ZNF827: variants seen among roughly 807,000 people sequenced by gnomAD.
ZNF827 encodes zinc finger protein 827.
A neutral mutation model predicts 102.4 loss-of-function variants in ZNF827; 13 were observed. The observed-to-expected ratio is 0.13, with a 90% CI of 0.08 to 0.20. The LOEUF (loss-of-function observed/expected upper bound fraction) is 0.20, where lower values mean the gene tolerates loss of function less well. Among genes scored for constraint, ZNF827 ranks in the 10% least tolerant of loss-of-function variants. ZNF827 has a pLI of 1.00. For missense variants in ZNF827, 1,103 were observed against 1,344.4 expected, an observed-to-expected ratio of 0.82 and a Z score of 2.81; for synonymous variants, 523 against 536.2, an observed-to-expected ratio of 0.98 and a Z score of 0.34.
At chr4:145,936,773 A>C (rs999109569) in intron 1 of ZNF827, among the ~76,000 whole-genome samples, 1 of 151,306 alleles carries the variant, frequency 6.6e-6, no homozygotes, top group Non-Finnish European at 1.5e-5. Flanking sequence ...CCCTTCCCCC[A>C]CCCTCCGTGA....
At chr4:145,879,365 AAAT>A (rs1337715447) in intron 4 of ZNF827, among the ~76,000 whole-genome samples, 2 of 152,260 alleles carry the variant, frequency 1.3e-5, no homozygotes, top group African/African-American at 4.8e-5. Context: ...ATAGCTCTTA[AAAT>A]AATAATAGTA....
At chr4:145,817,275 T>C (rs1372610191) in intron 8 of ZNF827, among the ~76,000 whole-genome samples, 2 of 152,208 alleles carry the variant, frequency 1.3e-5, no homozygotes, top group Non-Finnish European at 2.9e-5. Context: ...GTAAAGCCCC[T>C]AGACTAGACT....
chr4:145,928,967 G>A (rs979358517), intron 1 of ZNF827, among the ~76,000 whole-genome samples: 2 of 152,236 alleles, frequency 1.3e-5, no homozygotes, highest in African/African-American at 4.8e-5. Context: ...GCCATGTGGG[G>A]AGGTGGGCCC....
At chr4:145,771,766 G>A (rs561614792) in intron 11 of ZNF827, among the ~76,000 whole-genome samples, 36 of 152,292 alleles carry the variant, frequency 2.4e-4, no homozygotes, top group East Asian at 1.2e-3. Context: ...AACAAAATGC[G>A]TGCTGTTGAT....
intron 7 of ZNF827, among the ~76,000 whole-genome samples, chr4:145,837,837 T>C (rs943882899): frequency 4.6e-5 from 7 of 152,084 alleles, no homozygotes; most frequent in African/African-American, 1.7e-4. Flanking sequence ...ATACGACAAA[T>C]GTTTCTTCTA....
intron 7 of ZNF827, among the ~76,000 whole-genome samples, chr4:145,834,103 T>A (rs1266126242): frequency 6.6e-6 from 1 of 152,188 alleles, no homozygotes; most frequent in African/African-American, 2.4e-5. Flanking sequence ...TGCCTTATTT[T>A]CTTCTGCAAT....
At chr4:145,858,129 G>C (rs1747340531) in intron 5 of ZNF827, among the ~76,000 whole-genome samples, 1 of 99,548 alleles carries the variant, frequency 1.0e-5, no homozygotes, top group Non-Finnish European at 1.9e-5. Flanking sequence ...GTGTGTGCAT[G>C]TGTGAGTGTG....
chr4:145,928,846 C>T (rs1179631242), intron 1 of ZNF827, among the ~76,000 whole-genome samples: 1 of 152,136 alleles, frequency 6.6e-6, no homozygotes, highest in African/African-American at 2.4e-5. Flanking sequence ...GGGAGGTGGG[C>T]AGGTGTATAT....
intron 13 of ZNF827, 46 bp downstream of exon 13, chr4:145,764,942 T>C: frequency 6.2e-7 from 1 of 1,607,190 alleles, no homozygotes; most frequent in Non-Finnish European, 8.5e-7. Flanking sequence ...GGGGAAAGGG[T>C]ATTTAATAAC....
intron 1 of ZNF827, among the ~76,000 whole-genome samples, chr4:145,905,501 T>C (rs532376570): frequency 2.0e-5 from 3 of 152,368 alleles, no homozygotes; most frequent in South Asian, 2.1e-4. Flanking sequence ...GAATTTTCTC[T>C]GTTAAAAACA....
At chr4:145,877,987 C>G (rs188196024) in intron 4 of ZNF827, among the ~76,000 whole-genome samples, 1 of 152,336 alleles carries the variant, frequency 6.6e-6, no homozygotes, top group Admixed American at 6.5e-5. Flanking sequence ...GAAAGAAAAC[C>G]TGAAGACTGG....
chr4:145,914,539 A>C (rs888047361), intron 1 of ZNF827, among the ~76,000 whole-genome samples: 20 of 152,194 alleles, frequency 1.3e-4, no homozygotes, highest in African/African-American at 4.1e-4. Context: ...GGCTGCTATC[A>C]AGTGGTCAAA....
At chr4:145,807,395 G>A (rs903297797) in intron 8 of ZNF827, among the ~76,000 whole-genome samples, 5 of 151,696 alleles carry the variant, frequency 3.3e-5, no homozygotes, top group Non-Finnish European at 5.9e-5. Context: ...GGTGGTGGTA[G>A]GGGGAAACAA....
intron 8 of ZNF827, among the ~76,000 whole-genome samples, chr4:145,801,489 A>G (rs1740895881): frequency 6.6e-6 from 1 of 152,186 alleles, no homozygotes; most frequent in Non-Finnish European, 1.5e-5. Context: ...AAGCAAATAA[A>G]ATCCTCAAAA....
chr4:145,937,222 G>A (rs894658203), intron 1 of ZNF827, among the ~76,000 whole-genome samples: 1 of 152,058 alleles, frequency 6.6e-6, no homozygotes, highest in Non-Finnish European at 1.5e-5. Context: ...GAGAGGGACC[G>A]GGGGCGCGGG....
intron 3 of ZNF827, among the ~76,000 whole-genome samples, chr4:145,891,655 G>A (rs1381899564): frequency 6.6e-6 from 1 of 152,212 alleles, no homozygotes; most frequent in African/African-American, 2.4e-5. Context: ...AACAATGACA[G>A]CCTCAATGAG....
At chr4:145,881,553 G>A (rs565415184) in intron 4 of ZNF827, among the ~76,000 whole-genome samples, 6 of 152,222 alleles carry the variant, frequency 3.9e-5, no homozygotes, top group Admixed American at 2.0e-4. Context: ...GGTAGTTTTC[G>A]GAAAAAGAAA....
In ZNF827 at chr4:145,765,215, G is replaced by T; in HGVS notation, c.3053-50C>A. ...GAGGTGCACAGGGCAGCGGGGAGAG[G>T]AGGGCAGGAGTGGAGCCAAGCTCCT... On this transcript the variant is annotated intron_variant, in intron 12 of 14. Transcript: ENST00000508784. The surrounding 1 kb of genome is among the most constrained non-coding windows in gnomAD (Gnocchi z 4.7). 6.6e-7 allele frequency: 1 copy of T among 1,521,544 alleles called. No individual in the cohort carries two copies. Among genetic ancestry groups the T allele is most frequent in the African/African-American group, 1.4e-5 (1 of 72,902 alleles). The allele number at this position is 1,521,544 out of a possible 1,614,324, so 94.3% of individuals were successfully genotyped here.
intron 11 of ZNF827, among the ~76,000 whole-genome samples, chr4:145,770,603 A>G (rs2126910937): frequency 1.3e-5 from 2 of 151,954 alleles, no homozygotes; most frequent in South Asian, 4.1e-4. Flanking sequence ...ATAAAATATA[A>G]TAATAATGAT....
Sources: gnomAD v4.1 joint callset for allele counts (sites outside exome capture counted in the v4.1 genomes callset) on GRCh38, gnomAD v4.1.1 for gene constraint, Gnocchi (gnomAD v3.1) non-coding constraint, MANE v1.5 for transcripts, NCBI Gene and HGNC (gene_info 2026-07-23, HGNC 2026-07-21) for gene names.